The following MGME1 variants were observed in gnomAD, a reference collection of about 807,000 sequenced individuals.
MGME1 encodes mitochondrial genome maintenance exonuclease 1.
Under a neutral mutation model 33.0 loss-of-function variants are expected in MGME1, and 22 were observed. The ratio of observed to expected loss-of-function variants is 0.67; its 90% CI spans 0.48 to 0.95. The LOEUF (loss-of-function observed/expected upper bound fraction) is 0.95, where lower values mean the gene tolerates loss of function less well. Among genes scored for constraint, MGME1 ranks in the 40% least tolerant of loss-of-function variants. MGME1 has a pLI of 0.00. For missense variants in MGME1, 383 were observed against 397.8 expected (o/e 0.96, Z 0.32); for synonymous variants, 133 against 144.0 (o/e 0.92, Z 0.55).
At chr20:17,975,988 G>C (rs111450251) in intron 3 of MGME1, 85 bp downstream of exon 3, 2 of 1,113,786 alleles carry the variant, frequency 1.8e-6, no homozygotes, top group Non-Finnish European at 1.4e-6. Context: ...TGTAGCCTCT[G>C]TCTGTTTAAT....
Position 17,988,282 on chromosome 20 carries a change from C to T in MGME1, c.848C>T (p.Thr283Ile), listed in dbSNP as rs1431607763. Residue 283 changes from threonine to isoleucine, a missense_variant, in exon 4 of 5, where the codon ACC (threonine) becomes ATC (isoleucine). Coordinates refer to ENST00000377710, the MANE Select transcript of MGME1 (RefSeq NM_052865.4). ...VAYMGAMNHD[T>I]NYSFQVQCGL... ...TACATGGGTGCCATGAACCATGATA[C>T]CAACTACAGCTTTCAGGTCAGGACA... 1.2e-6 allele frequency: 2 copies of T among 1,613,780 alleles called. No homozygotes were observed. The highest frequency in any genetic ancestry group is 1.7e-6 in the Non-Finnish European group (2 of 1,179,910).
chr20:17,976,808 T>G (rs1361779984), intron 3 of MGME1, among the ~76,000 whole-genome samples: 2 of 152,068 alleles, frequency 1.3e-5, no homozygotes, highest in Non-Finnish European at 2.9e-5. Context: ...ATTACAGGCA[T>G]GCGCCACCAT....
chr20:17,970,317 A>G lies in MGME1; in HGVS notation c.458A>G (p.Lys153Arg). The G allele has an allele frequency of 6.2e-7, 1 of 1,614,206 alleles. No individual in the cohort carries two copies. The highest frequency in any genetic ancestry group is 1.3e-5 in the African/African-American group (1 of 75,068). Residue 153 changes from lysine to arginine, a missense_variant, in exon 2 of 5, where the codon AAA becomes AGA. Physicochemically the swap from Lys to Arg is conservative, Grantham distance 26. Coordinates refer to ENST00000377710, the MANE Select transcript of MGME1 (RefSeq NM_052865.4). ...KQQVFLLERW[K>R]QRMILELGED... The stretch of plus-strand genomic sequence containing the variant: ...CAGGTTTTCTTGTTGGAGAGGTGGA[A>G]ACAGCGGATGATTCTGGAACTGGGA...
At chr20:17,988,064 T>C (rs1348318029) in intron 3 of MGME1, 102 bp from the exon 4 acceptor site, 5 of 1,179,010 alleles carry the variant, frequency 4.2e-6, no homozygotes, top group Non-Finnish European at 5.9e-6. Flanking sequence ...GCAATGGTCA[T>C]TGGCTGACAA....
intron 2 of MGME1, among the ~76,000 whole-genome samples, chr20:17,974,709 GT>G (rs2035816051): frequency 6.6e-6 from 1 of 151,768 alleles, no homozygotes; most frequent in Non-Finnish European, 1.5e-5. Context: ...AATATTACAT[GT>G]TAAATATTAA....
chr20:17,981,203 G>C (rs2036010268), intron 3 of MGME1, among the ~76,000 whole-genome samples: 1 of 152,006 alleles, frequency 6.6e-6, no homozygotes, highest in Admixed American at 6.6e-5. Flanking sequence ...ACATGCATAG[G>C]CAGCACTTAT....
upstream of MGME1, chr20:17,968,721 G>A (rs892170732): frequency 7.1e-6 from 3 of 424,584 alleles, no homozygotes; most frequent in East Asian, 4.7e-5. Flanking sequence ...TCCACGAGGA[G>A]GCCGCCAACC....
chr20:17,979,325 T>TGTCTCC (rs1163835793), intron 3 of MGME1, among the ~76,000 whole-genome samples: 1 of 151,994 alleles, frequency 6.6e-6, no homozygotes, highest in African/African-American at 2.4e-5. Flanking sequence ...GCAAGCTGCC[T>TGTCTCC]GTCTCCGTCT....
At chr20:17,972,207 T>C (rs2035748305) in intron 2 of MGME1, among the ~76,000 whole-genome samples, 3 of 152,320 alleles carry the variant, frequency 2.0e-5, no homozygotes, top group Admixed American at 2.0e-4. Flanking sequence ...AAGAATTACA[T>C]TTTAAAAATT....
Position 17,970,176 on chromosome 20 carries a change from C to G in MGME1, c.317C>G (p.Pro106Arg). Residue 106 changes from proline to arginine, a missense_variant, in exon 2 of 5, where the codon CCA becomes CGA. Coordinates refer to ENST00000377710, the MANE Select transcript of MGME1 (RefSeq NM_052865.4). Reference protein sequence around the residue: ...VPQNWFPIFNPERSDKPNASD... With the variant: ...VPQNWFPIFNRERSDKPNASD... ...CAAAACTGGTTTCCTATCTTCAATC[C>G]AGAGAGAAGTGATAAACCAAATGCA... is the stretch of plus-strand genomic sequence containing the variant. 1 of 1,614,158 alleles carries G rather than the reference C, an allele frequency of 6.2e-7. No homozygotes were observed. The highest frequency in any genetic ancestry group is 8.5e-7 in the Non-Finnish European group (1 of 1,180,038).
At chr20:17,984,833 C>T (rs932978690) in intron 3 of MGME1, among the ~76,000 whole-genome samples, 4 of 150,032 alleles carry the variant, frequency 2.7e-5, no homozygotes, top group Non-Finnish European at 4.4e-5. Flanking sequence ...GTCAGGAGTT[C>T]GAGACCAGCC....
At position 17,969,335 on chromosome 20, in the gene MGME1, C is replaced by T. The variant is rs535408863; in HGVS notation, c.-60+194C>T. ...AGCTCTGACCGGCGAGCGACGGGAC[C>T]CTCCAACCCGATTTCCACGTCTGTG... On this transcript the variant is annotated intron_variant, in intron 1 of 4. Transcript: ENST00000377710. Among the ~76,000 whole-genome samples the T allele has an allele frequency of 2.0e-5, 3 of 152,320 alleles. No homozygotes were observed. The South Asian group carries it at 6.2e-4, about 32-fold the overall frequency.
At chr20:17,989,173 G>A (rs1023296275) in intron 4 of MGME1, among the ~76,000 whole-genome samples, 6 of 151,844 alleles carry the variant, frequency 4.0e-5, no homozygotes, top group African/African-American at 1.5e-4. Context: ...ATCACCTGAT[G>A]TCAGGAGTTC....
At chr20:17,981,676 T>TGC (rs2036025000) in intron 3 of MGME1, among the ~76,000 whole-genome samples, 1 of 150,274 alleles carries the variant, frequency 6.7e-6, no homozygotes, top group Admixed American at 6.7e-5. Context: ...TGTGTGTGTG[T>TGC]GTGTGTGTGT....
chr20:17,987,424 AAAG>A (rs1273170899), intron 3 of MGME1, among the ~76,000 whole-genome samples: 1 of 152,230 alleles, frequency 6.6e-6, no homozygotes, highest in Admixed American at 6.5e-5. Context: ...TTTGTACAAA[AAAG>A]AATGTAAAAT....
intron 3 of MGME1, among the ~76,000 whole-genome samples, chr20:17,982,120 T>G (rs2036038177): frequency 6.6e-6 from 1 of 152,194 alleles, no homozygotes; most frequent in Non-Finnish European, 1.5e-5. Flanking sequence ...ATGCACAGAT[T>G]CATTTGTTTA....
intron 2 of MGME1, among the ~76,000 whole-genome samples, chr20:17,972,981 C>T (rs1568606866): frequency 1.3e-5 from 2 of 152,212 alleles, no homozygotes; most frequent in East Asian, 3.9e-4. Flanking sequence ...TAACTTAGTT[C>T]CTAAGTTGAA....
chr20:17,971,921 C>T (rs1371307292), intron 2 of MGME1, among the ~76,000 whole-genome samples: 1 of 152,018 alleles, frequency 6.6e-6, no homozygotes, highest in East Asian at 1.9e-4. Context: ...TTTTTTGTAG[C>T]GACAAGGGTC....
At chr20:17,983,431 G>A (rs1461814802) in intron 3 of MGME1, among the ~76,000 whole-genome samples, 5 of 152,020 alleles carry the variant, frequency 3.3e-5, no homozygotes, top group South Asian at 2.1e-4. Context: ...ATTTTAATTC[G>A]TTTGGCTATA....
Sources: allele counts gnomAD v4.1 joint callset (sites outside exome capture counted in the v4.1 genomes callset), GRCh38; gene constraint gnomAD v4.1.1; transcripts MANE v1.5; gene names NCBI Gene and HGNC (gene_info 2026-07-23, HGNC 2026-07-21).